Variants in ZNF771 observed in about 807,000 individuals in gnomAD.
ZNF771 encodes the protein zinc finger protein 771, also known as mesenchymal stem cell protein DSC43.
A neutral mutation model predicts 27.6 loss-of-function variants in ZNF771; 10 were observed. That is an observed-to-expected ratio of 0.36 (90% CI 0.22 to 0.61). The LOEUF is 0.61. Among genes scored for constraint, ZNF771 ranks in the 20% least tolerant of loss-of-function variants. The pLI, the probability that ZNF771 is intolerant of heterozygous loss-of-function variation, is 0.70. For synonymous variants in ZNF771, 261 were observed against 225.2 expected (o/e 1.16, Z -1.43); for missense variants, 438 against 503.7 (o/e 0.87, Z 1.25).
intron 2 of ZNF771, among the ~76,000 whole-genome samples, chr16:30,412,855 T>C (rs2050112704): frequency 6.6e-6 from 1 of 151,658 alleles, no homozygotes; most frequent in African/African-American, 2.4e-5. Context: ...TTCTGGAAAA[T>C]GAGTAAATTC....
At chr16:30,408,221 C>T (rs1162427615) in intron 2 of ZNF771, 27 bp downstream of exon 2, 2 of 1,613,384 alleles carry the variant, frequency 1.2e-6, no homozygotes, top group Non-Finnish European at 1.7e-6. Flanking sequence ...CCCTGGGGCA[C>T]ACTGTCCCCA....
rs887806681 is a variant in ZNF771, at chr16:30,419,185, G to C, written c.*818G>C. The C allele has an allele frequency of 6.6e-6, 1 of 152,254 alleles. No individual in the cohort carries two copies. The highest frequency in any genetic ancestry group is 1.5e-5 in the Non-Finnish European group (1 of 68,108). The allele number at this position is 152,254 out of a possible 1,614,324, so 9.4% of individuals were successfully genotyped here. A position where few individuals can be genotyped will look rare whatever the true frequency, so the allele number is the denominator to read the frequency against. ...TGGGAGACAGAGGTTGCAATGAACCGAGATAGTGCCATTGCACTCCGGCCT... is the reference window on the plus strand; with the variant it reads ...TGGGAGACAGAGGTTGCAATGAACCCAGATAGTGCCATTGCACTCCGGCCT... On this transcript the variant is annotated 3_prime_UTR_variant, in exon 3 of 3. Coordinates refer to ENST00000319296, the MANE Select transcript of ZNF771 (RefSeq NM_001142305.2).
Position 30,418,308 on chromosome 16 carries a change from C to T in ZNF771, c.895C>T (p.Pro299Ser), listed in dbSNP as rs907677253. Reference protein sequence around the residue: ...CAGCGRDFKLPPGATAATATE... With the variant: ...CAGCGRDFKLSPGATAATATE... ...CGGCTGCGGCAGGGACTTCAAGCTG[C>T]CCCCTGGCGCCACGGCCGCCACTGC... The change falls in exon 3 of 3, where the codon CCC (proline) becomes TCC (serine). Residue 299 changes from proline (P) to serine (S), a missense_variant. Pro to Ser is a moderately conservative substitution (Grantham distance 74). Around this residue, in one of 3 missense-constraint regions of ZNF771, gnomAD observed 305 missense variants for 308.0 expected, o/e 0.99. Coordinates refer to ENST00000319296, the MANE Select transcript of ZNF771 (RefSeq NM_001142305.2). 1.1e-5 allele frequency: 17 copies of T among 1,489,570 alleles called. No homozygotes were observed. Among genetic ancestry groups the T allele is most frequent in the African/African-American group, 5.8e-5 (4 of 69,024 alleles). The allele number at this position is 1,489,570 out of a possible 1,614,324, so 92.3% of individuals were successfully genotyped here.
rs2050147113 is a variant in ZNF771 at position 30,418,111 on chromosome 16, G to T, written c.698G>T (p.Cys233Phe). The change falls in exon 3 of 3, where the codon TGC becomes TTC. Residue 233 changes from cysteine (C) to phenylalanine (F), a missense_variant. By Grantham distance (205) the Cys-to-Phe change is radical (BLOSUM62 -2). Transcript: ENST00000319296. ...CACACGGGCGAGAAGCCGCACCGCT[G>T]CGCTGTGTGTGGCCGTCGCTTCGGC... ...RVHTGEKPHRCAVCGRRFGHR... is the reference protein window; with the variant it reads ...RVHTGEKPHRFAVCGRRFGHR... 6.7e-7 allele frequency: 1 copy of T among 1,485,044 alleles called. No individual in the cohort carries two copies. Among genetic ancestry groups the T allele is most frequent in the African/African-American group, 1.5e-5 (1 of 68,294 alleles). The allele number at this position is 1,485,044 out of a possible 1,614,324, so 92.0% of individuals were successfully genotyped here. A position where few individuals can be genotyped will look rare whatever the true frequency, so the allele number is the denominator to read the frequency against.
intron 2 of ZNF771, among the ~76,000 whole-genome samples, chr16:30,410,879 A>G (rs1195792446): frequency 6.6e-6 from 1 of 151,134 alleles, no homozygotes; most frequent in Non-Finnish European, 1.5e-5. Context: ...AAAAAAAAAA[A>G]AAAAGTTTAA....
At chr16:30,412,864 T>A (rs1250049709) in intron 2 of ZNF771, among the ~76,000 whole-genome samples, 1 of 152,200 alleles carries the variant, frequency 6.6e-6, no homozygotes, top group Admixed American at 6.5e-5. Flanking sequence ...ATGAGTAAAT[T>A]CAGTTCAAAC....
intron 2 of ZNF771, among the ~76,000 whole-genome samples, chr16:30,412,807 AT>A (rs1222320881): frequency 1.3e-5 from 2 of 152,102 alleles, no homozygotes; most frequent in East Asian, 1.9e-4. Context: ...AAAAAAGAGA[AT>A]AAAAAAAGAA....
chr16:30,418,536 C>G lies in ZNF771; in HGVS notation c.*169C>G. 5 of 594,062 alleles carry G rather than the reference C, an allele frequency of 8.4e-6. No homozygotes were observed. The highest frequency in any genetic ancestry group is 2.7e-6 in the Non-Finnish European group (1 of 368,134). The allele number at this position is 594,062 out of a possible 1,614,324, so 36.8% of individuals were successfully genotyped here. A position where few individuals can be genotyped will look rare whatever the true frequency, so the allele number is the denominator to read the frequency against. On this transcript the variant is annotated 3_prime_UTR_variant, in exon 3 of 3. Coordinates refer to ENST00000319296, the MANE Select transcript of ZNF771 (RefSeq NM_001142305.2). ...CCTGCCGGGGTCCCTGGAAACAGTG[C>G]CCACCCCACATCACTACATTCCCTC...
chr16:30,408,184 A>C lies in ZNF771; in HGVS notation c.131A>C (p.Asp44Ala). 1 of 1,613,812 alleles carries C rather than the reference A, an allele frequency of 6.2e-7. No homozygotes were observed. The stretch of plus-strand genomic sequence containing the variant: ...GTGGTGAAACTCAAGATCCCCATGG[A>C]CAACAAGGAGGTATGTGTCACACAC... ...YEVVKLKIPMDNKEVPGEAPA... is the reference protein window; with the variant it reads ...YEVVKLKIPMANKEVPGEAPA... The change falls in exon 2 of 3, where the codon GAC (aspartate) becomes GCC (alanine). Residue 44 changes from aspartate (D) to alanine (A), a missense_variant. Asp to Ala is a moderately radical substitution (Grantham distance 126). Transcript: ENST00000319296.
chr16:30,409,490 C>T (rs778535149), intron 2 of ZNF771, among the ~76,000 whole-genome samples: 4 of 152,130 alleles, frequency 2.6e-5, no homozygotes, highest in Non-Finnish European at 5.9e-5. Flanking sequence ...GATACGTTTC[C>T]GCTTCTCAGA....
At position 30,417,893 on chromosome 16, in the gene ZNF771, C is replaced by T. The variant is rs760352479; in HGVS notation, c.480C>T (p.Ser160=). The change falls in exon 3 of 3, where the codon TCC becomes TCT. Residue 160 remains serine, a synonymous_variant. Transcript: ENST00000319296. ...GCGGCCGCCGCTTCGCGCAGAGCTCCAACTACGCACAGCACCTGCGCGTGC... is the reference window on the plus strand; with the variant it reads ...GCGGCCGCCGCTTCGCGCAGAGCTCTAACTACGCACAGCACCTGCGCGTGC... The part of the protein sequence containing the change: ...AHCGRRFAQS[S]NYAQHLRVHT... The T allele has an allele frequency of 3.3e-6, 5 of 1,515,840 alleles. No homozygotes were observed. The East Asian group carries it at 1.4e-4, about 41-fold the overall frequency. 93.9% of individuals were successfully genotyped at this position (1,515,840 alleles called of 1,614,324 possible). A position where few individuals can be genotyped will look rare whatever the true frequency, so the allele number is the denominator to read the frequency against.
rs903960438 is a variant in ZNF771 at position 30,407,989 on chromosome 16, G to GC, written c.-9-56_-9-55insC. 1.5e-5 allele frequency: 12 copies of GC among 799,622 alleles called. No homozygotes were observed. In the East Asian group the frequency reaches 1.8e-4, roughly 12 times the overall value. 49.5% of individuals were successfully genotyped at this position (799,622 alleles called of 1,614,324 possible). ...TGCTGGGCCAGGGCCACGGTGGGCGGGGGGGGGGGTGGGGGGGGGCGGGTC... is the reference window on the plus strand; with the variant it reads ...TGCTGGGCCAGGGCCACGGTGGGCGGCGGGGGGGGGTGGGGGGGGGCGGGTC... On this transcript the variant is annotated intron_variant, in intron 1 of 2. Transcript: ENST00000319296.
intron 2 of ZNF771, among the ~76,000 whole-genome samples, chr16:30,414,964 T>C (rs1951135840): frequency 7.7e-6 from 1 of 129,372 alleles, no homozygotes; most frequent in East Asian, 2.1e-4. Flanking sequence ...TTTTTTTTTT[T>C]TTTTTTTTTT....
chr16:30,418,250 C>G lies in ZNF771; in HGVS notation c.837C>G (p.Arg279=), dbSNP rs1319271521. 7.3e-6 allele frequency: 11 copies of G among 1,514,280 alleles called. No individual in the cohort carries two copies. The Admixed American group carries it at 2.0e-4, about 28-fold the overall frequency. 93.8% of individuals were successfully genotyped at this position (1,514,280 alleles called of 1,614,324 possible). A position where few individuals can be genotyped will look rare whatever the true frequency, so the allele number is the denominator to read the frequency against. Residue 279 remains arginine, a synonymous_variant, in exon 3 of 3, where the codon CGC becomes CGG. Transcript: ENST00000319296. ...GCTCGCACTTCATTCGCCACCGACG[C>G]GCGCACATGCGGCGCCGCCTGTATA... is the stretch of plus-strand genomic sequence containing the variant. ...RLSSHFIRHR[R]AHMRRRLYIC...
chr16:30,411,353 G>A (rs2050102804), intron 2 of ZNF771, among the ~76,000 whole-genome samples: 1 of 152,006 alleles, frequency 6.6e-6, no homozygotes, highest in Admixed American at 6.6e-5. Flanking sequence ...GGACATGATT[G>A]GATTTTCTGT....
intron 1 of ZNF771, 58 bp from the exon 2 acceptor site, chr16:30,407,987 C>CG (rs1205134281): frequency 0.28 from 199,063 of 712,088 alleles, 4,132 homozygotes; most frequent in East Asian, 0.44. Context: ...CCACGGTGGG[C>CG]GGGGGGGGGG....
intron 2 of ZNF771, among the ~76,000 whole-genome samples, chr16:30,408,529 A>G (rs2050088753): frequency 6.6e-6 from 1 of 152,162 alleles, no homozygotes; most frequent in Non-Finnish European, 1.5e-5. Context: ...TGGGAACTTA[A>G]CTCAGATTTA....
intron 2 of ZNF771, chr16:30,413,661 T>A: frequency 2.6e-6 from 1 of 382,300 alleles, no homozygotes; most frequent in Non-Finnish European, 5.4e-6. Context: ...CCTTGAACTC[T>A]TGGGCTCAAG....
chr16:30,412,499 T>C (rs2151124303), intron 2 of ZNF771, among the ~76,000 whole-genome samples: 1 of 152,286 alleles, frequency 6.6e-6, no homozygotes, highest in Admixed American at 6.5e-5. Flanking sequence ...GAGATTAGAA[T>C]TGCATCATGG....
Sources: gnomAD v4.1 joint callset for allele counts (sites outside exome capture counted in the v4.1 genomes callset) on GRCh38, gnomAD v4.1.1 for gene constraint, gnomAD v4.1.1 regional missense constraint, MANE v1.5 for transcripts, NCBI Gene and HGNC (gene_info 2026-07-23, HGNC 2026-07-21) for gene names.